KLHL7: variants seen among roughly 807,000 people sequenced by gnomAD.
The protein encoded by KLHL7 is kelch-like protein 7.
Under a neutral mutation model 67.4 loss-of-function variants are expected in KLHL7, and 44 were observed. The ratio of observed to expected loss-of-function variants is 0.65; its 90% confidence interval spans 0.51 to 0.84. The LOEUF is 0.84. Ranked by LOEUF, KLHL7 falls within the 40% of genes least tolerant of loss-of-function variation. KLHL7 has a pLI of 0.00. For missense variants in KLHL7, 362 were observed against 718.1 expected (o/e 0.50, Z 5.67); for synonymous variants, 252 against 243.3 (o/e 1.04, Z -0.33).
chr7:23,172,898 GTTCT>G, intron 9 of KLHL7, 46 bp from the exon 10 acceptor site: 1 of 1,314,524 alleles, frequency 7.6e-7, no homozygotes. Flanking sequence ...ATTAGTATGA[GTTCT>G]TTTACTTCCT....
In KLHL7 at chr7:23,167,549, T is replaced by C. The variant is rs150624254; in HGVS notation, c.1178-287T>C. Among the ~76,000 whole-genome samples, 56 of 152,334 alleles carry C rather than the reference T, an allele frequency of 3.7e-4. 1 individual carries two copies. The East Asian group carries it at 9.4e-3, about 26-fold the overall frequency. On this transcript the variant is annotated intron_variant, in intron 8 of 10. Coordinates refer to ENST00000339077, the MANE Select transcript of KLHL7 (RefSeq NM_001031710.3). ...GGGGCTTGAAGACATATATAAGGCT[T>C]CTTATTTAATTTTTCTTTTGAAATC...
intron 1 of KLHL7, among the ~76,000 whole-genome samples, chr7:23,121,404 A>T (rs1263989700): frequency 1.3e-5 from 2 of 151,912 alleles, no homozygotes; most frequent in Admixed American, 6.6e-5. Flanking sequence ...CTCTTACCTC[A>T]GCACCACCCC....
At chr7:23,114,259 C>T (rs1474586636) in intron 1 of KLHL7, among the ~76,000 whole-genome samples, 1 of 152,154 alleles carries the variant, frequency 6.6e-6, no homozygotes, top group Non-Finnish European at 1.5e-5. Flanking sequence ...GGACATACGA[C>T]TGTGCAGCTT....
chr7:23,154,926 G>C (rs1343856440), intron 7 of KLHL7, among the ~76,000 whole-genome samples: 8 of 152,174 alleles, frequency 5.3e-5, no homozygotes, highest in Admixed American at 4.6e-4. Context: ...TATTTTGGTA[G>C]AGAAAGAAAC....
intron 9 of KLHL7, among the ~76,000 whole-genome samples, chr7:23,172,597 A>C (rs1785196328): frequency 6.6e-6 from 1 of 152,210 alleles, no homozygotes; most frequent in African/African-American, 2.4e-5. Flanking sequence ...AAGAAAAAAG[A>C]ATTATTTATC....
intron 8 of KLHL7, among the ~76,000 whole-genome samples, chr7:23,167,238 G>A (rs1445216743): frequency 6.6e-6 from 1 of 151,840 alleles, no homozygotes; most frequent in Admixed American, 6.6e-5. Flanking sequence ...TGTATGTTTT[G>A]CCTTTAAATT....
intron 1 of KLHL7, among the ~76,000 whole-genome samples, chr7:23,121,125 A>G (rs1783317848): frequency 6.6e-6 from 1 of 152,120 alleles, no homozygotes; most frequent in African/African-American, 2.4e-5. Context: ...AACTAACATA[A>G]TGTCTTCCAG....
At chr7:23,163,296 G>A (rs1187522453) in intron 7 of KLHL7, among the ~76,000 whole-genome samples, 2 of 151,866 alleles carry the variant, frequency 1.3e-5, no homozygotes, top group African/African-American at 2.4e-5. Context: ...TCAGCCTCCC[G>A]AGTAGCAGGG....
intron 1 of KLHL7, among the ~76,000 whole-genome samples, chr7:23,118,841 GT>G (rs1166725370): frequency 1.3e-5 from 2 of 151,980 alleles, no homozygotes; most frequent in Non-Finnish European, 2.9e-5. Flanking sequence ...AGAGGCCAAG[GT>G]AGTAAGATTG....
intron 7 of KLHL7, among the ~76,000 whole-genome samples, chr7:23,159,326 G>A (rs926773343): frequency 1.4e-4 from 21 of 151,542 alleles, no homozygotes; most frequent in African/African-American, 5.1e-4. Context: ...ACCACACATG[G>A]CCATTTAAAA....
intron 4 of KLHL7, among the ~76,000 whole-genome samples, chr7:23,134,353 A>C (rs1429704650): frequency 2.0e-5 from 3 of 152,140 alleles, no homozygotes; most frequent in Non-Finnish European, 2.9e-5. Flanking sequence ...TTGGTTTGCT[A>C]ATATTTTGTT....
intron 6 of KLHL7, among the ~76,000 whole-genome samples, chr7:23,147,430 T>G (rs1330830743): frequency 6.6e-6 from 1 of 152,180 alleles, no homozygotes; most frequent in Non-Finnish European, 1.5e-5. Flanking sequence ...CTTGCTTGTG[T>G]TTTCAGTTCT....
At chr7:23,141,654 G>A (rs1217972842) in intron 5 of KLHL7, among the ~76,000 whole-genome samples, 3 of 151,828 alleles carry the variant, frequency 2.0e-5, no homozygotes, top group East Asian at 3.9e-4. Context: ...ACGGAGTCTC[G>A]CTCTGTTGCC....
At chr7:23,146,423 T>C (rs934962149) in intron 6 of KLHL7, among the ~76,000 whole-genome samples, 1 of 151,990 alleles carries the variant, frequency 6.6e-6, no homozygotes, top group African/African-American at 2.4e-5. Flanking sequence ...AAAGACGGAG[T>C]TTGTGTTTGT....
chr7:23,119,020 G>A (rs897188257), intron 1 of KLHL7, among the ~76,000 whole-genome samples: 1 of 152,046 alleles, frequency 6.6e-6, no homozygotes, highest in Non-Finnish European at 1.5e-5. Context: ...GCAGTAAGCC[G>A]AGATTGCACC....
chr7:23,106,570 A>C (rs2072369), intron 1 of KLHL7: 3 of 1,047,206 alleles, frequency 2.9e-6, no homozygotes, highest in Non-Finnish European at 3.5e-6. Context: ...TGCTGGCCTG[A>C]CATCAGCTGC....
At chr7:23,151,528 A>G (rs1391344369) in intron 6 of KLHL7, among the ~76,000 whole-genome samples, 1 of 114,798 alleles carries the variant, frequency 8.7e-6, no homozygotes, top group Admixed American at 7.7e-5. Context: ...TAGGTCTGGG[A>G]TAGGGGCCTG....
At chr7:23,118,476 T>A (rs1231300564) in intron 1 of KLHL7, among the ~76,000 whole-genome samples, 1 of 152,182 alleles carries the variant, frequency 6.6e-6, no homozygotes, top group Non-Finnish European at 1.5e-5. Flanking sequence ...CCTGCCCCAA[T>A]GATTGATGTC....
chr7:23,173,090 T>C (rs1363237677), intron 10 of KLHL7, 45 bp downstream of exon 10: 1 of 1,304,828 alleles, frequency 7.7e-7, no homozygotes, highest in African/African-American at 1.4e-5. Flanking sequence ...ATGAGTTTGC[T>C]GATACTTCCT....
Sources: gnomAD v4.1 joint callset for allele counts (sites outside exome capture counted in the v4.1 genomes callset) on GRCh38, gnomAD v4.1.1 for gene constraint, MANE v1.5 for transcripts, NCBI Gene and HGNC (gene_info 2026-07-23, HGNC 2026-07-21) for gene names.